Variants in AGMO observed in about 807,000 individuals in gnomAD.
AGMO encodes glyceryl-ether monooxygenase.
In AGMO, 75 loss-of-function variants were observed where a neutral mutation model predicts 60.2. That is an observed-to-expected ratio of 1.25 (90% CI 1.03 to 1.51). The LOEUF is 1.51. Ranked by LOEUF, AGMO falls within the 40% of genes most tolerant of loss-of-function variation. AGMO has a pLI of 0.00. For missense variants in AGMO, 763 were observed against 525.5 expected (o/e 1.45, Z -4.42); for synonymous variants, 261 against 177.1 (o/e 1.47, Z -3.76).
chr7:15,502,706 G>T (rs138718588), intron 3 of AGMO, among the ~76,000 whole-genome samples: 4 of 152,006 alleles, frequency 2.6e-5, no homozygotes, highest in African/African-American at 4.8e-5. Flanking sequence ...GTGGTTAGAC[G>T]CTAGGTATGA....
chr7:15,499,888 G>A (rs535642429), intron 3 of AGMO, among the ~76,000 whole-genome samples: 1 of 140,338 alleles, frequency 7.1e-6, no homozygotes, highest in Admixed American at 7.6e-5. Context: ...TGAAGGAATG[G>A]GAATATTATA....
chr7:15,387,348 G>A, intron 9 of AGMO, 58 bp downstream of exon 9: 1 of 1,580,954 alleles, frequency 6.3e-7, no homozygotes, highest in Non-Finnish European at 8.6e-7. Context: ...CAGGCTGGCT[G>A]TAGACCTGAC....
At chr7:15,558,274 A>G (rs975362082) in intron 2 of AGMO, among the ~76,000 whole-genome samples, 1 of 152,068 alleles carries the variant, frequency 6.6e-6, no homozygotes, top group Admixed American at 6.6e-5. Context: ...ATTTGCTGTC[A>G]AATTCATTGT....
At chr7:15,229,948 CCAA>C (rs1166800864) in intron 12 of AGMO, among the ~76,000 whole-genome samples, 2 of 151,254 alleles carry the variant, frequency 1.3e-5, no homozygotes, top group African/African-American at 2.4e-5. Context: ...CTTGTAACTC[CCAA>C]CAATACTTAA....
chr7:15,318,225 G>A (rs543175180), intron 12 of AGMO, among the ~76,000 whole-genome samples: 40 of 151,782 alleles, frequency 2.6e-4, no homozygotes, highest in African/African-American at 8.2e-4. Flanking sequence ...GGCTGGTCTC[G>A]AATCCTGATC....
At chr7:15,213,419 T>C (rs1162837499) in intron 12 of AGMO, among the ~76,000 whole-genome samples, 1 of 151,636 alleles carries the variant, frequency 6.6e-6, no homozygotes, top group Non-Finnish European at 1.5e-5. Flanking sequence ...GTGAAAAAAA[T>C]AATAAAAATG....
chr7:15,221,280 T>C (rs1417700867), intron 12 of AGMO, among the ~76,000 whole-genome samples: 1 of 152,154 alleles, frequency 6.6e-6, no homozygotes, highest in East Asian at 1.9e-4. Flanking sequence ...TGTCAGTTCC[T>C]TGAGCCAGGG....
intron 1 of AGMO, among the ~76,000 whole-genome samples, chr7:15,560,565 T>C (rs1785277372): frequency 6.6e-6 from 1 of 152,120 alleles, no homozygotes; most frequent in African/African-American, 2.4e-5. Context: ...TCTTCCAAAT[T>C]AGTTTAAAAA....
At chr7:15,185,545 A>G in the AGMO span, among the ~76,000 whole-genome samples, 1 of 152,190 alleles carries the variant, frequency 6.6e-6, no homozygotes, top group Non-Finnish European at 1.5e-5. Context: ...TGGTTCTTTC[A>G]TGAAAAACTA....
At position 15,430,999 on chromosome 7, in the gene AGMO, A is replaced by G. The variant is rs1416055014; in HGVS notation, c.513+6T>C. 2 of 1,546,016 alleles carry G rather than the reference A, an allele frequency of 1.3e-6. No individual in the cohort carries two copies. The highest frequency in any genetic ancestry group is 2.3e-5 in the East Asian group (1 of 43,532). ...TACCATGTTTATTCCATTTCATACA[A>G]CTTACCCAGGAAGTATATATCTGGA... On this transcript the variant is annotated splice_donor_region_variant and intron_variant, in intron 4 of 12. Coordinates refer to ENST00000342526, the MANE Select transcript of AGMO (RefSeq NM_001004320.2).
chr7:15,134,645 A>G, the AGMO span, among the ~76,000 whole-genome samples: 1 of 152,008 alleles, frequency 6.6e-6, no homozygotes, highest in South Asian at 2.1e-4. Context: ...TTTCTTTTTT[A>G]TGGCTATGTA....
the AGMO span, among the ~76,000 whole-genome samples, chr7:15,181,103 C>A: frequency 5.3e-5 from 8 of 152,104 alleles, no homozygotes; most frequent in Admixed American, 6.5e-5. Flanking sequence ...TTAAAGGTTC[C>A]ACCTCTTAAT....
the AGMO span, among the ~76,000 whole-genome samples, chr7:15,169,620 A>G: frequency 6.6e-6 from 1 of 152,056 alleles, no homozygotes; most frequent in Non-Finnish European, 1.5e-5. Flanking sequence ...TAATTTTAGT[A>G]GAGATGGGGT....
chr7:15,153,990 A>T, the AGMO span, among the ~76,000 whole-genome samples: 1 of 152,202 alleles, frequency 6.6e-6, no homozygotes, highest in African/African-American at 2.4e-5. Context: ...GCCCACTTGC[A>T]CTACTTCTAT....
the AGMO span, among the ~76,000 whole-genome samples, chr7:15,187,207 C>G: frequency 6.6e-6 from 1 of 152,126 alleles, no homozygotes. Flanking sequence ...GCTATCAATG[C>G]ATCAGTTACT....
chr7:15,395,456 A>G (rs1469723071), intron 5 of AGMO, among the ~76,000 whole-genome samples: 2 of 151,410 alleles, frequency 1.3e-5, no homozygotes, highest in East Asian at 1.9e-4. Flanking sequence ...AAAATTTATA[A>G]TAAACAGGGT....
chr7:15,439,206 G>A lies in AGMO; in HGVS notation c.410-8098C>T, dbSNP rs138784004. 6.0e-3 allele frequency among the ~76,000 whole-genome samples: 919 copies of A among 152,108 alleles called. 6 individuals are homozygous for A. Among genetic ancestry groups the A allele is most frequent in the African/African-American group, 0.021 (883 of 41,494 alleles). ...GAAGTCAAGAGATCAAGACCATCCCGGCCAACATGGTGAAACCCCATCTCT... is the reference window on the plus strand; with the variant it reads ...GAAGTCAAGAGATCAAGACCATCCCAGCCAACATGGTGAAACCCCATCTCT... On this transcript the variant is annotated intron_variant, in intron 3 of 12. Transcript: ENST00000342526.
intron 3 of AGMO, among the ~76,000 whole-genome samples, chr7:15,480,621 T>C (rs747143049): frequency 6.6e-6 from 1 of 152,198 alleles, no homozygotes; most frequent in Non-Finnish European, 1.5e-5. Flanking sequence ...CTTCACAAAA[T>C]AGCTGAACTA....
At chr7:15,358,285 G>C (rs1398810028) in intron 12 of AGMO, 1 of 376,548 alleles carries the variant, frequency 2.7e-6, no homozygotes, top group Non-Finnish European at 5.4e-6. Flanking sequence ...GCTGCTTTGA[G>C]TATTGGTTTC....
Sources: allele counts gnomAD v4.1 joint callset (sites outside exome capture counted in the v4.1 genomes callset), GRCh38; gene constraint gnomAD v4.1.1; transcripts MANE v1.5; gene names NCBI Gene and HGNC (gene_info 2026-07-23, HGNC 2026-07-21).